The following LGSN variants were observed in gnomAD, a reference collection of about 807,000 sequenced individuals.
The protein encoded by LGSN is lengsin, lens protein with glutamine synthetase domain.
Under a neutral mutation model 19.5 loss-of-function variants are expected in LGSN, and 21 were observed. That is an observed-to-expected ratio of 1.07 (90% CI 0.76 to 1.55). The LOEUF (loss-of-function observed/expected upper bound fraction) is 1.55, where lower values mean the gene tolerates loss of function less well. LGSN is among the 40% of genes most tolerant of loss of function. The pLI is 0.00. For missense variants in LGSN, 673 were observed against 608.5 expected, an observed-to-expected ratio of 1.11 and a Z score of -1.12; for synonymous variants, 257 against 215.6, an observed-to-expected ratio of 1.19 and a Z score of -1.68.
chr6:63,428,647 G>A, the LGSN span, among the ~76,000 whole-genome samples: 85 of 152,248 alleles, frequency 5.6e-4, no homozygotes, highest in African/African-American at 1.7e-3. Context: ...CACCGCACCC[G>A]ACCAGGCATA....
At chr6:63,364,793 T>A in the LGSN span, among the ~76,000 whole-genome samples, 1 of 152,130 alleles carries the variant, frequency 6.6e-6, no homozygotes, top group African/African-American at 2.4e-5. Context: ...CATTCAAAAC[T>A]GCTCAACTAC....
chr6:63,353,846 T>C, the LGSN span, among the ~76,000 whole-genome samples: 1 of 152,070 alleles, frequency 6.6e-6, no homozygotes, highest in Non-Finnish European at 1.5e-5. Context: ...AGTCTACATA[T>C]AAGGCAACTG....
chr6:63,333,472 GAAGA>G, the LGSN span, among the ~76,000 whole-genome samples: 1 of 148,662 alleles, frequency 6.7e-6, no homozygotes, highest in Non-Finnish European at 1.5e-5. Context: ...GAGGGGGAGA[GAAGA>G]AAGAAAGAAG....
the LGSN span, among the ~76,000 whole-genome samples, chr6:63,344,274 C>T: frequency 1.3e-5 from 2 of 152,104 alleles, no homozygotes; most frequent in African/African-American, 2.4e-5. Flanking sequence ...TTCTCAGTAA[C>T]GAAGCTGTAG....
At chr6:63,485,729 G>GTTTCTT in the LGSN span, among the ~76,000 whole-genome samples, 1 of 151,910 alleles carries the variant, frequency 6.6e-6, no homozygotes, top group Non-Finnish European at 1.5e-5. Flanking sequence ...TTAAAATTGT[G>GTTTCTT]TTTCTTTTTC....
At chr6:63,478,798 G>T in the LGSN span, among the ~76,000 whole-genome samples, 1 of 152,186 alleles carries the variant, frequency 6.6e-6, no homozygotes, top group East Asian at 1.9e-4. Flanking sequence ...AATTCAAAAG[G>T]TAGGGTGTGC....
the LGSN span, among the ~76,000 whole-genome samples, chr6:63,398,750 C>T: frequency 5.9e-5 from 9 of 152,120 alleles, no homozygotes; most frequent in Non-Finnish European, 1.3e-4. Context: ...CATTCACTCA[C>T]CACTCACTCA....
chr6:63,455,720 C>T, the LGSN span, among the ~76,000 whole-genome samples: 1 of 152,050 alleles, frequency 6.6e-6, no homozygotes, highest in Non-Finnish European at 1.5e-5. Flanking sequence ...CATCATTGCA[C>T]TCCAGCCTGG....
At chr6:63,397,178 T>A in the LGSN span, 61 of 152,370 alleles carry the variant, frequency 4.0e-4, no homozygotes, top group African/African-American at 1.4e-3. Flanking sequence ...TCAATCCTCT[T>A]ATCTCATAAG....
the LGSN span, among the ~76,000 whole-genome samples, chr6:63,543,089 C>T: frequency 6.6e-6 from 1 of 152,156 alleles, no homozygotes; most frequent in African/African-American, 2.4e-5. Context: ...CTTCTCCTGG[C>T]TGGATTATTT....
At chr6:63,534,452 AAC>A in the LGSN span, among the ~76,000 whole-genome samples, 6,721 of 144,092 alleles carry the variant, frequency 0.047, 285 homozygotes, top group African/African-American at 0.12. Flanking sequence ...CACACAGAGA[AAC>A]ACACACACAC....
chr6:63,421,224 C>T, the LGSN span, among the ~76,000 whole-genome samples: 1 of 148,836 alleles, frequency 6.7e-6, no homozygotes, highest in African/African-American at 2.5e-5. Flanking sequence ...GAGTTCAAGA[C>T]CAGCCTGGCC....
the LGSN span, among the ~76,000 whole-genome samples, chr6:63,449,949 A>C: frequency 6.6e-6 from 1 of 152,176 alleles, no homozygotes; most frequent in Non-Finnish European, 1.5e-5. Context: ...GGAATGTGTG[A>C]GACATGGAGA....
chr6:63,360,121 G>A, the LGSN span, among the ~76,000 whole-genome samples: 4 of 152,148 alleles, frequency 2.6e-5, no homozygotes, highest in Non-Finnish European at 5.9e-5. Flanking sequence ...CAACTTTGGT[G>A]AATCTGACGA....
the LGSN span, among the ~76,000 whole-genome samples, chr6:63,460,557 A>T: frequency 2.0e-5 from 3 of 152,132 alleles, no homozygotes; most frequent in African/African-American, 7.2e-5. Context: ...GATGCTGACC[A>T]CTGCATTTGC....
chr6:63,311,398 T>A (rs1220409554), intron 1 of LGSN, among the ~76,000 whole-genome samples: 6 of 152,200 alleles, frequency 3.9e-5, no homozygotes, highest in African/African-American at 1.4e-4. Context: ...CATGAACAAT[T>A]AGGGCAAATT....
At chr6:63,370,636 C>T in the LGSN span, among the ~76,000 whole-genome samples, 25 of 152,296 alleles carry the variant, frequency 1.6e-4, no homozygotes, top group South Asian at 5.2e-3. Context: ...AAGATGCTCT[C>T]CTCACCCAGA....
At chr6:63,454,620 C>A in the LGSN span, among the ~76,000 whole-genome samples, 1 of 150,722 alleles carries the variant, frequency 6.6e-6, no homozygotes, top group Non-Finnish European at 1.5e-5. Flanking sequence ...TACAGGCGCC[C>A]GCCACCATCC....
chr6:63,328,126 G>T, the LGSN span, among the ~76,000 whole-genome samples: 1 of 152,146 alleles, frequency 6.6e-6, no homozygotes, highest in African/African-American at 2.4e-5. Flanking sequence ...CTGCTAACTG[G>T]GCACTGGTCC....
Sources: gnomAD v4.1 joint callset for allele counts (sites outside exome capture counted in the v4.1 genomes callset) on GRCh38, gnomAD v4.1.1 for gene constraint, MANE v1.5 for transcripts, NCBI Gene and HGNC (gene_info 2026-07-23, HGNC 2026-07-21) for gene names.